The following CD5 variants were observed in gnomAD, a reference collection of about 807,000 sequenced individuals.
The protein encoded by CD5 is T-cell surface glycoprotein CD5.
Under a neutral mutation model 60.3 loss-of-function variants are expected in CD5, and 36 were observed. The observed-to-expected ratio is 0.60, with a 90% CI of 0.46 to 0.79. The LOEUF is 0.79. Ranked by LOEUF, CD5 falls within the 30% of genes least tolerant of loss-of-function variation. CD5 has a pLI of 0.00. For synonymous variants in CD5, 230 were observed against 257.6 expected, an observed-to-expected ratio of 0.89 and a Z score of 1.03; for missense variants, 540 against 630.6, an observed-to-expected ratio of 0.86 and a Z score of 1.54.
chr11:61,108,151 T>C (rs773591308), intron 1 of CD5, among the ~76,000 whole-genome samples: 3 of 152,206 alleles, frequency 2.0e-5, no homozygotes, highest in Non-Finnish European at 4.4e-5. Flanking sequence ...AGAACAAGTC[T>C]AGTGCATGAG....
intron 1 of CD5, among the ~76,000 whole-genome samples, chr11:61,109,682 G>A (rs111256555): frequency 0.025 from 3,817 of 152,182 alleles, 76 homozygotes; most frequent in Non-Finnish European, 0.035. Context: ...AGACCTCAGG[G>A]CAGGCAGGGC....
chr11:61,123,379 CACCACTT>C (rs767367456), intron 7 of CD5, among the ~76,000 whole-genome samples: 6 of 152,148 alleles, frequency 3.9e-5, no homozygotes, highest in Non-Finnish European at 8.8e-5. Context: ...GGCCTAGCCC[CACCACTT>C]ACCACTGCCC....
chr11:61,125,201 C>G (rs116094285), intron 9 of CD5, 50 bp downstream of exon 9: 1 of 1,609,660 alleles, frequency 6.2e-7, no homozygotes, highest in Non-Finnish European at 8.5e-7. Context: ...TGCAGCAGGC[C>G]GCCAAGGCAG....
chr11:61,118,958 C>G lies in CD5; in HGVS notation c.444C>G (p.Thr148=), dbSNP rs1319458533. 1.2e-6 allele frequency: 2 copies of G among 1,613,730 alleles called. No individual in the cohort carries two copies. The highest frequency in any genetic ancestry group is 1.1e-5 in the South Asian group (1 of 91,074). ...CTCCAACGACAAGGCCCCCGCCCAC[C>G]ACAACTCCAGAGCCCACAGGTAAGA... The part of the protein sequence containing the change: ...TTPPTTRPPP[T]TTPEPTAPPR... The change falls in exon 4 of 11, where the codon ACC becomes ACG. Residue 148 remains threonine (T), a synonymous_variant. Coordinates refer to ENST00000347785, the MANE Select transcript of CD5 (RefSeq NM_014207.4). This position sits in a 1 kb window ranked among gnomAD's most constrained non-coding sequence, Gnocchi z 4.7.
At chr11:61,102,638 C>T (rs1310938616) in intron 1 of CD5, 23 bp downstream of exon 1, 1 of 1,569,576 alleles carries the variant, frequency 6.4e-7, no homozygotes, top group African/African-American at 1.3e-5. Context: ...CCCAGGTGTC[C>T]TGCGAACACC....
rs1472469219 is a variant in CD5 at position 61,109,383 on chromosome 11, C to T, written c.56-5673C>T. Among the ~76,000 whole-genome samples the T allele has an allele frequency of 3.9e-5, 6 of 152,248 alleles. 1 individual carries two copies. In the South Asian group the frequency reaches 1.0e-3, roughly 26 times the overall value. ...CCGTAAGGTGCCAGCGAGGCGTGGA[C>T]GAAACAGAAGTCAAGGGCCACCGCC... On this transcript the variant is annotated intron_variant, in intron 1 of 10. Coordinates refer to ENST00000347785, the MANE Select transcript of CD5 (RefSeq NM_014207.4).
intron 7 of CD5, 77 bp from the exon 8 acceptor site, chr11:61,123,807 C>A: frequency 3.3e-6 from 2 of 607,252 alleles, no homozygotes; most frequent in Non-Finnish European, 6.0e-6. Flanking sequence ...CCAGGCCCAG[C>A]CCCATCCCCA....
At chr11:61,099,664 ACAT>A (rs1308615964), upstream of CD5, among the ~76,000 whole-genome samples, 1 of 151,928 alleles carries the variant, frequency 6.6e-6, no homozygotes, top group Admixed American at 6.5e-5. Context: ...TCACAAACAC[ACAT>A]CAACATGGAG....
Position 61,119,562 on chromosome 11 carries a change from C to T in CD5, c.792C>T (p.Ala264=), listed in dbSNP as rs771219831. ...CCCAGAAAAGTGGCCGAGTTCTTGC[C>T]CTCCTTTGCTCAGGTAAGTGAGACC... is the stretch of plus-strand genomic sequence containing the variant. The part of the protein sequence containing the change: ...IKPQKSGRVL[A]LLCSGFQPKV... The change falls in exon 5 of 11, where the codon GCC becomes GCT. Residue 264 remains alanine, a synonymous_variant. Coordinates refer to ENST00000347785, the MANE Select transcript of CD5 (RefSeq NM_014207.4). 14 of 1,609,518 alleles carry T rather than the reference C, an allele frequency of 8.7e-6. No homozygotes were observed. In the African/African-American group the frequency reaches 9.3e-5, roughly 11 times the overall value.
chr11:61,117,915 C>G (rs775903085), intron 2 of CD5, among the ~76,000 whole-genome samples: 4 of 152,218 alleles, frequency 2.6e-5, no homozygotes, highest in Non-Finnish European at 4.4e-5. Context: ...CCGAGAACAC[C>G]TTGCCCATTT....
In CD5 at chr11:61,119,403, G is replaced by C. The variant is rs763168704; in HGVS notation, c.633G>C (p.Lys211Asn). ...ACCTCCAGTGTGGCTCCTTCTTGAAGCATCTGCCAGAGACTGAGGCAGGCA... is the reference window on the plus strand; with the variant it reads ...ACCTCCAGTGTGGCTCCTTCTTGAACCATCTGCCAGAGACTGAGGCAGGCA... ...CNNLQCGSFL[K>N]HLPETEAGRA... Residue 211 changes from lysine to asparagine, a missense_variant, in exon 5 of 11, where the codon AAG (lysine) becomes AAC (asparagine). Transcript: ENST00000347785. 5.0e-6 allele frequency: 8 copies of C among 1,614,182 alleles called. No homozygotes were observed. Among genetic ancestry groups the C allele is most frequent in the Non-Finnish European group, 6.8e-6 (8 of 1,180,024 alleles).
In CD5 at chr11:61,123,812, T is replaced by TTCCCC; in HGVS notation, c.1226-72_1226-71insTCCCC. The TTCCCC allele has an allele frequency of 2.6e-5, 9 of 339,958 alleles. 1 individual carries two copies. The highest frequency in any genetic ancestry group is 7.6e-5 in the South Asian group (3 of 39,670). The allele number at this position is 339,958 out of a possible 1,614,324, so 21.1% of individuals were successfully genotyped here. On this transcript the variant is annotated intron_variant, in intron 7 of 10. Transcript: ENST00000347785. Reference sequence around the variant, plus strand: ...CATCTCCCTCCCAGGCCCAGCCCCATCCCCACCCCTGCCTGCCCCCACCCA... The same window carrying TTCCCC: ...CATCTCCCTCCCAGGCCCAGCCCCATTCCCCCCCCACCCCTGCCTGCCCCCACCCA...
At chr11:61,102,678 C>A in intron 1 of CD5, 63 bp downstream of exon 1, 1 of 1,351,138 alleles carries the variant, frequency 7.4e-7, no homozygotes, top group Non-Finnish European at 1.0e-6. Flanking sequence ...GGAAGGAGTT[C>A]CCAGTTTTAC....
chr11:61,121,326 G>A (rs1287185325), intron 5 of CD5, among the ~76,000 whole-genome samples: 1 of 152,236 alleles, frequency 6.6e-6, no homozygotes, highest in African/African-American at 2.4e-5. Flanking sequence ...CTCCCTGCTG[G>A]TGGCTGCCAA....
chr11:61,117,879 G>A (rs1212877217), intron 2 of CD5, among the ~76,000 whole-genome samples: 2 of 152,232 alleles, frequency 1.3e-5, no homozygotes, highest in African/African-American at 2.4e-5. Flanking sequence ...TTCCAGGACA[G>A]GGGCCATCCT....
chr11:61,123,115 A>G, intron 7 of CD5, 83 bp downstream of exon 7: 1 of 1,443,416 alleles, frequency 6.9e-7, no homozygotes, highest in Non-Finnish European at 9.3e-7. Flanking sequence ...AGGAGGGGTC[A>G]TGCCTCCAGA....
At chr11:61,115,917 G>A (rs1266461986) in intron 2 of CD5, among the ~76,000 whole-genome samples, 3 of 152,214 alleles carry the variant, frequency 2.0e-5, no homozygotes, top group Admixed American at 6.5e-5. Flanking sequence ...CCCCAGCTGT[G>A]AAATGGGAAG....
chr11:61,120,212 G>C (rs1234615695), intron 5 of CD5, among the ~76,000 whole-genome samples: 1 of 152,164 alleles, frequency 6.6e-6, no homozygotes, highest in African/African-American at 2.4e-5. Context: ...GATCAATGAA[G>C]AAAACTAAAG....
upstream of CD5, among the ~76,000 whole-genome samples, chr11:61,100,286 TCA>T (rs1373168280): frequency 4.6e-5 from 5 of 109,088 alleles, no homozygotes; most frequent in East Asian, 3.0e-4. Context: ...AACATGGAGA[TCA>T]CACATACATC....
Sources: allele counts gnomAD v4.1 joint callset (sites outside exome capture counted in the v4.1 genomes callset), GRCh38; gene constraint gnomAD v4.1.1; non-coding constraint Gnocchi (gnomAD v3.1); transcripts MANE v1.5; gene names NCBI Gene and HGNC (gene_info 2026-07-23, HGNC 2026-07-21).